The following METTL25 variants were observed in gnomAD, a reference collection of about 807,000 sequenced individuals.
METTL25 encodes the protein methyltransferase like 25.
A neutral mutation model predicts 71.6 loss-of-function variants in METTL25; 64 were observed. That is an observed-to-expected ratio of 0.89 (90% confidence interval 0.73 to 1.10). The LOEUF (loss-of-function observed/expected upper bound fraction) is 1.10, where lower values mean the gene tolerates loss of function less well. Among genes scored for constraint, METTL25 ranks in the 50% least tolerant of loss-of-function variants. The pLI is 0.00. For missense variants in METTL25, 807 were observed against 707.0 expected (o/e 1.14, Z -1.60); for synonymous variants, 287 against 250.3 (o/e 1.15, Z -1.38).
Position 82,441,806 on chromosome 12 carries a change from A to AACACACACACACACACACAC in METTL25, c.1478+3023_1478+3042dup, listed in dbSNP as rs57098687. Among the ~76,000 whole-genome samples the AACACACACACACACACACAC allele has an allele frequency of 3.1e-3, 410 of 133,970 alleles. 2 individuals carry two copies. The highest frequency in any genetic ancestry group is 5.8e-3 in the Admixed American group (77 of 13,306). The allele number at this position is 133,970 out of a possible 152,430, so 87.9% of individuals were successfully genotyped here. ...TATAGCAAAAAAAAAAAAAAATAGA[A>AACACACACACACACACACAC]ACACACACACACACACACACACACA... On this transcript the variant is annotated intron_variant, in intron 8 of 11. Transcript: ENST00000248306.
At chr12:82,373,956 A>G (rs1883543209) in intron 1 of METTL25, 1 of 152,966 alleles carries the variant, frequency 6.5e-6, no homozygotes, top group Non-Finnish European at 1.5e-5. Flanking sequence ...AAGGGGTCTG[A>G]TGGTACTCAC....
intron 3 of METTL25, among the ~76,000 whole-genome samples, chr12:82,390,289 T>G (rs1179221996): frequency 6.6e-6 from 1 of 152,086 alleles, no homozygotes; most frequent in Non-Finnish European, 1.5e-5. Flanking sequence ...TTTCAGGATA[T>G]GGGTTACCAA....
rs776339710 is a variant in METTL25, at chr12:82,430,932, A to G, written c.1319A>G (p.Tyr440Cys). 21 of 1,602,640 alleles carry G rather than the reference A, an allele frequency of 1.3e-5. No homozygotes were observed. Among genetic ancestry groups the G allele is most frequent in the Non-Finnish European group, 1.5e-5 (18 of 1,173,214 alleles). The change falls in exon 6 of 12, where the codon TAT becomes TGT. Residue 440 changes from tyrosine (Y) to cysteine (C), a missense_variant. Transcript: ENST00000248306. ...QEKWGFPMCH[Y>C]LKEERWCCGR... The stretch of plus-strand genomic sequence containing the variant: ...AAGTGGGGATTTCCAATGTGCCACT[A>G]TTTAAAGGAAGAGAGATGGTGCTGT...
chr12:82,413,076 C>A (rs982994449), intron 5 of METTL25, among the ~76,000 whole-genome samples: 28 of 151,896 alleles, frequency 1.8e-4, no homozygotes, highest in African/African-American at 6.5e-4. Flanking sequence ...TAAATTAATT[C>A]TTTTCGGTGA....
rs1232041518 is a variant in METTL25 at position 82,386,616 on chromosome 12, G to A, written c.260-187G>A. Among the ~76,000 whole-genome samples the A allele has an allele frequency of 2.0e-5, 3 of 151,990 alleles. No homozygotes were observed. The East Asian group carries it at 5.8e-4, about 29-fold the overall frequency. ...ATAAAATATTAAGAGAAAACTGGGT[G>A]TTCCATATAGCTAATCGTTTAAATA... On this transcript the variant is annotated intron_variant, in intron 1 of 11. Transcript: ENST00000248306.
chr12:82,382,302 G>A (rs1409501133), intron 1 of METTL25, among the ~76,000 whole-genome samples: 1 of 152,184 alleles, frequency 6.6e-6, no homozygotes, highest in Non-Finnish European at 1.5e-5. Context: ...GTGTGATAAT[G>A]ATGTTAGTGA....
intron 9 of METTL25, among the ~76,000 whole-genome samples, chr12:82,473,651 G>A (rs939358706): frequency 3.9e-5 from 6 of 152,286 alleles, no homozygotes; most frequent in African/African-American, 9.6e-5. Context: ...TTTGTACATC[G>A]TTGGTTGTGG....
At chr12:82,364,510 A>G (rs1882339306) in intron 1 of METTL25, among the ~76,000 whole-genome samples, 2 of 152,226 alleles carry the variant, frequency 1.3e-5, no homozygotes, top group African/African-American at 4.8e-5. Context: ...GAAATTTTTC[A>G]TGTTTAGTAG....
chr12:82,450,377 A>G (rs756346512), intron 8 of METTL25, among the ~76,000 whole-genome samples: 1 of 151,928 alleles, frequency 6.6e-6, no homozygotes, highest in Non-Finnish European at 1.5e-5. Context: ...GCAACTTTAT[A>G]ACCTCTCCCT....
chr12:82,438,991 G>A (rs1890133071), intron 8 of METTL25, 200 bp downstream of exon 8: 1 of 360,776 alleles, frequency 2.8e-6, no homozygotes, highest in Admixed American at 4.7e-5. Context: ...ATTCCTTCTT[G>A]TCCTGAAAGC....
chr12:82,432,821 C>G (rs1889618737), intron 6 of METTL25, among the ~76,000 whole-genome samples: 1 of 143,320 alleles, frequency 7.0e-6, no homozygotes, highest in Admixed American at 7.1e-5. Flanking sequence ...CGCTCCATAA[C>G]TGACATTTTT....
At chr12:82,447,117 A>C (rs1890809664) in intron 8 of METTL25, among the ~76,000 whole-genome samples, 1 of 152,186 alleles carries the variant, frequency 6.6e-6, no homozygotes, top group Admixed American at 6.5e-5. Flanking sequence ...TCAAGATCAG[A>C]GCATAAATAA....
intron 6 of METTL25, among the ~76,000 whole-genome samples, chr12:82,431,355 A>G (rs1183008182): frequency 1.3e-5 from 2 of 151,582 alleles, no homozygotes; most frequent in African/African-American, 4.8e-5. Context: ...TAAATAAAAC[A>G]TTTATTGTGC....
chr12:82,369,694 GTGGCCAGCTT>G (rs1299004745), intron 1 of METTL25: 10 of 230,570 alleles, frequency 4.3e-5, no homozygotes, highest in South Asian at 3.8e-4. Context: ...GTTGGCTGGG[GTGGCCAGCTT>G]TTATTCCCTT....
chr12:82,461,189 G>T (rs959405066), intron 9 of METTL25, among the ~76,000 whole-genome samples: 1 of 152,058 alleles, frequency 6.6e-6, no homozygotes, highest in Non-Finnish European at 1.5e-5. Flanking sequence ...GTTAACAGAA[G>T]AAAAGAGTAT....
intron 1 of METTL25, among the ~76,000 whole-genome samples, chr12:82,364,464 C>T (rs1161092841): frequency 6.6e-6 from 1 of 152,192 alleles, no homozygotes; most frequent in Non-Finnish European, 1.5e-5. Flanking sequence ...ATGAAGTTGG[C>T]ATGGTCACAA....
intron 8 of METTL25, among the ~76,000 whole-genome samples, chr12:82,456,288 T>C (rs185842086): frequency 4.2e-4 from 64 of 152,014 alleles, no homozygotes; most frequent in Non-Finnish European, 6.5e-4. Flanking sequence ...TCCATCTCAT[T>C]ATATGGGGCT....
At chr12:82,374,579 C>T (rs1199250008) in intron 1 of METTL25, among the ~76,000 whole-genome samples, 3 of 152,152 alleles carry the variant, frequency 2.0e-5, no homozygotes, top group Non-Finnish European at 4.4e-5. Context: ...ATTTATAATC[C>T]TCTAGCTCAA....
chr12:82,443,986 G>C (rs1385888210), intron 8 of METTL25, among the ~76,000 whole-genome samples: 1 of 152,114 alleles, frequency 6.6e-6, no homozygotes, highest in African/African-American at 2.4e-5. Flanking sequence ...CTTCAAAATG[G>C]AGTTGAAAAA....
Sources: allele counts gnomAD v4.1 joint callset (sites outside exome capture counted in the v4.1 genomes callset), GRCh38; gene constraint gnomAD v4.1.1; transcripts MANE v1.5; gene names NCBI Gene and HGNC (gene_info 2026-07-23, HGNC 2026-07-21).